The following GALNT16 variants were observed in gnomAD, a reference collection of about 807,000 sequenced individuals.
GALNT16 encodes UDP-GalNAc:polypeptide N-acetylgalactosaminyltransferase-like protein 1.
In GALNT16, 40 loss-of-function variants were observed where a neutral mutation model predicts 76.1. The observed-to-expected ratio is 0.53, with a 90% CI of 0.41 to 0.68. The LOEUF is 0.68. Among genes scored for constraint, GALNT16 ranks in the 30% least tolerant of loss-of-function variants. The pLI is 0.00. For synonymous variants in GALNT16, 276 were observed against 285.2 expected (o/e 0.97, Z 0.32); for missense variants, 621 against 731.9 (o/e 0.85, Z 1.75).
At chr14:69,377,936 A>AT in the GALNT16 span, among the ~76,000 whole-genome samples, 6 of 152,016 alleles carry the variant, frequency 3.9e-5, no homozygotes, top group Non-Finnish European at 7.4e-5. Context: ...AGTTAAAACA[A>AT]TTTGATAAAG....
downstream of GALNT16, chr14:69,359,403 C>T (rs1444701790): frequency 6.6e-6 from 1 of 152,218 alleles, no homozygotes; most frequent in Non-Finnish European, 1.5e-5. Context: ...ACGCAATATA[C>T]ACTTGTCCAT....
At chr14:69,339,385 C>T (rs1025032683) in intron 10 of GALNT16, 142 bp from the exon 11 acceptor site, 6 of 665,196 alleles carry the variant, frequency 9.0e-6, no homozygotes, top group South Asian at 3.5e-5. Context: ...CCAAAAGGAC[C>T]GTGCTAATCT....
Position 69,266,680 on chromosome 14 carries a change from G to A in GALNT16, c.177+6213G>A, listed in dbSNP as rs980595608. Among the ~76,000 whole-genome samples the A allele has an allele frequency of 2.6e-5, 4 of 152,090 alleles. 1 individual carries two copies. The East Asian group carries it at 5.8e-4, about 22-fold the overall frequency. On this transcript the variant is annotated intron_variant, in intron 1 of 14. Transcript: ENST00000448469. ...GCCAGGGTTTCTCTCCACACTCCCCGTTGGCCCATAAGTGCTCCCAACAGC... is the reference window on the plus strand; with the variant it reads ...GCCAGGGTTTCTCTCCACACTCCCCATTGGCCCATAAGTGCTCCCAACAGC...
chr14:69,306,322 GAAACC>G (rs1231596356), intron 1 of GALNT16, among the ~76,000 whole-genome samples: 2 of 152,118 alleles, frequency 1.3e-5, no homozygotes, highest in African/African-American at 4.8e-5. Flanking sequence ...TGTTATAAGT[GAAACC>G]AAATTTTAAT....
chr14:69,360,318 A>G (rs1470198421), downstream of GALNT16, among the ~76,000 whole-genome samples: 3 of 151,584 alleles, frequency 2.0e-5, no homozygotes, highest in African/African-American at 7.3e-5. Context: ...GCAGCACTGC[A>G]CTTCCAGCCT....
intron 9 of GALNT16, among the ~76,000 whole-genome samples, chr14:69,336,355 A>G (rs183807355): frequency 0.038 from 5,809 of 151,880 alleles, 134 homozygotes; most frequent in South Asian, 0.054. Context: ...CAGGTGATCC[A>G]CCCGCCTCAG....
At chr14:69,289,387 C>T (rs1214427481) in intron 1 of GALNT16, among the ~76,000 whole-genome samples, 2 of 152,254 alleles carry the variant, frequency 1.3e-5, no homozygotes, top group East Asian at 1.9e-4. Flanking sequence ...GACTGGAAAC[C>T]AGGATGCTTC....
chr14:69,287,299 C>T (rs2044626300), intron 1 of GALNT16, among the ~76,000 whole-genome samples: 1 of 152,242 alleles, frequency 6.6e-6, no homozygotes, highest in East Asian at 1.9e-4. Context: ...GGACAGGAGC[C>T]TCAGGTCTGG....
chr14:69,368,542 G>A, the GALNT16 span, among the ~76,000 whole-genome samples: 1 of 152,218 alleles, frequency 6.6e-6, no homozygotes, highest in Non-Finnish European at 1.5e-5. Context: ...TAAGATGGAA[G>A]CCACAGTCCT....
At chr14:69,337,284 A>G (rs545574668) in intron 9 of GALNT16, among the ~76,000 whole-genome samples, 4 of 152,252 alleles carry the variant, frequency 2.6e-5, no homozygotes, top group Admixed American at 6.5e-5. Context: ...TTGAGCTTCA[A>G]CGTCCTCGTT....
intron 1 of GALNT16, among the ~76,000 whole-genome samples, chr14:69,260,875 A>AG (rs1196934240): frequency 1.3e-5 from 2 of 151,068 alleles, no homozygotes; most frequent in Non-Finnish European, 3.0e-5. Context: ...CCGAGCGCGT[A>AG]GGTGGCAGTG....
At chr14:69,365,162 C>T in the GALNT16 span, among the ~76,000 whole-genome samples, 5 of 152,196 alleles carry the variant, frequency 3.3e-5, no homozygotes, top group Admixed American at 6.5e-5. Flanking sequence ...AGTCTACTGA[C>T]TTGTCCCTAA....
chr14:69,261,720 C>A lies in GALNT16; in HGVS notation c.177+1253C>A, dbSNP rs1566855556. Among the ~76,000 whole-genome samples, 1 of 152,010 alleles carries A rather than the reference C, an allele frequency of 6.6e-6. No individual in the cohort carries two copies. Among genetic ancestry groups the A allele is most frequent in the Non-Finnish European group, 1.5e-5 (1 of 67,992 alleles). ...ATCGGGAAGTTCATTGGAGAGTGTC[C>A]CCTCATATTCCCATCCTGCCCCAGA... is the stretch of plus-strand genomic sequence containing the variant. On this transcript the variant is annotated intron_variant, in intron 1 of 14. Transcript: ENST00000448469. The surrounding 1 kb of genome is among the most constrained non-coding windows in gnomAD (Gnocchi z 6.4).
intron 1 of GALNT16, among the ~76,000 whole-genome samples, chr14:69,264,819 C>CTTTCTTTTTTTTTTTTTTT (rs770742554): frequency 2.1e-5 from 2 of 96,600 alleles, no homozygotes; most frequent in Non-Finnish European, 3.6e-5. Context: ...CTTTTTCTTT[C>CTTTCTTTTTTTTTTTTTTT]TTTTTTTTTT....
At position 69,331,454 on chromosome 14, in the gene GALNT16, T is replaced by C. The variant is rs1318939864; in HGVS notation, c.691-10T>C. On this transcript the variant is annotated splice_polypyrimidine_tract_variant and intron_variant, in intron 6 of 14. Coordinates refer to ENST00000448469, the MANE Select transcript of GALNT16 (RefSeq NM_001168368.2). Reference sequence around the variant, plus strand: ...CCCAGGCCTCACACCATCTCACATCTCTCTCCTAGGACCACACCCGCGTGG... The same window carrying C: ...CCCAGGCCTCACACCATCTCACATCCCTCTCCTAGGACCACACCCGCGTGG... 2.9e-5 allele frequency: 45 copies of C among 1,535,692 alleles called. No homozygotes were observed. The highest frequency in any genetic ancestry group is 4.0e-5 in the Non-Finnish European group (44 of 1,108,948).
intron 6 of GALNT16, among the ~76,000 whole-genome samples, chr14:69,329,788 T>C (rs2045329906): frequency 6.6e-6 from 1 of 152,038 alleles, no homozygotes; most frequent in Admixed American, 6.6e-5. Flanking sequence ...GTGGAGGTAC[T>C]ACATGCTTCT....
the GALNT16 span, among the ~76,000 whole-genome samples, chr14:69,384,707 TAAC>T: frequency 6.9e-6 from 1 of 145,898 alleles, no homozygotes; most frequent in Non-Finnish European, 1.5e-5. Context: ...ATTCCTCAAA[TAAC>T]AACACAAGTG....
At chr14:69,292,505 G>T (rs547779812) in intron 1 of GALNT16, among the ~76,000 whole-genome samples, 1 of 152,212 alleles carries the variant, frequency 6.6e-6, no homozygotes, top group South Asian at 2.1e-4. Context: ...GCTCCTGAGC[G>T]CATCTCCGTC....
At chr14:69,335,795 G>A (rs907687810) in intron 9 of GALNT16, among the ~76,000 whole-genome samples, 5 of 152,172 alleles carry the variant, frequency 3.3e-5, no homozygotes, top group Non-Finnish European at 7.3e-5. Flanking sequence ...CTTTATTGAA[G>A]GAAGGGAGAT....
Sources: gnomAD v4.1 joint callset for allele counts (sites outside exome capture counted in the v4.1 genomes callset) on GRCh38, gnomAD v4.1.1 for gene constraint, Gnocchi (gnomAD v3.1) non-coding constraint, MANE v1.5 for transcripts, NCBI Gene and HGNC (gene_info 2026-07-23, HGNC 2026-07-21) for gene names.